The following CDH20 variants were observed in gnomAD, a reference collection of about 807,000 sequenced individuals.
CDH20 encodes cadherin-20.
CDH20 carries 29 observed loss-of-function variants against 74.2 expected under a neutral mutation model. The ratio of observed to expected loss-of-function variants is 0.39; its 90% CI spans 0.29 to 0.53. CDH20 has a LOEUF of 0.53. Among genes scored for constraint, CDH20 ranks in the 20% least tolerant of loss-of-function variants. The pLI is 0.69. For synonymous variants in CDH20, 469 were observed against 405.4 expected, an observed-to-expected ratio of 1.16 and a Z score of -1.88; for missense variants, 988 against 1,048.3, an observed-to-expected ratio of 0.94 and a Z score of 0.79.
At chr18:61,446,362 C>A (rs980369626) in intron 1 of CDH20, among the ~76,000 whole-genome samples, 1 of 152,132 alleles carries the variant, frequency 6.6e-6, no homozygotes, top group Non-Finnish European at 1.5e-5. Context: ...AGCTCTCCTT[C>A]TTTAACTGTT....
intron 1 of CDH20, among the ~76,000 whole-genome samples, chr18:61,419,902 T>A (rs776098122): frequency 3.3e-5 from 5 of 152,184 alleles, no homozygotes; most frequent in African/African-American, 1.2e-4. Context: ...ACTGTTCTCA[T>A]TGAGAATCTA....
At chr18:61,525,086 G>T (rs1049834924) in intron 6 of CDH20, among the ~76,000 whole-genome samples, 2 of 151,440 alleles carry the variant, frequency 1.3e-5, no homozygotes, top group African/African-American at 4.9e-5. Context: ...TTTGCCAGGG[G>T]CTGGGTGGGA....
chr18:61,382,776 A>G (rs1282832237), intron 1 of CDH20, among the ~76,000 whole-genome samples: 2 of 152,248 alleles, frequency 1.3e-5, no homozygotes, highest in Non-Finnish European at 2.9e-5. Flanking sequence ...AGTAGATGAT[A>G]GCAGGGAAGC....
At chr18:61,340,587 T>C (rs1318409224) in intron 1 of CDH20, among the ~76,000 whole-genome samples, 1 of 152,198 alleles carries the variant, frequency 6.6e-6, no homozygotes, top group Non-Finnish European at 1.5e-5. Context: ...AGTGTACTCA[T>C]AAGTATTATA....
In CDH20 at chr18:61,353,186, A is replaced by G. The variant is rs1259971125; in HGVS notation, c.-153+19359A>G. ...CTTAGAAACATTCATTTAATTGTCTACATAACAAAGCTCAGAGTTTTTAGC... is the reference window on the plus strand; with the variant it reads ...CTTAGAAACATTCATTTAATTGTCTGCATAACAAAGCTCAGAGTTTTTAGC... On this transcript the variant is annotated intron_variant, in intron 1 of 11. Transcript: ENST00000262717. The surrounding 1 kb of genome is among the most constrained non-coding windows in gnomAD (Gnocchi z 4.6). Among the ~76,000 whole-genome samples the G allele has an allele frequency of 6.6e-6, 1 of 152,194 alleles. No individual in the cohort carries two copies. Among genetic ancestry groups the G allele is most frequent in the Non-Finnish European group, 1.5e-5 (1 of 68,036 alleles).
At chr18:61,538,588 G>GTT (rs1265851069) in intron 8 of CDH20, among the ~76,000 whole-genome samples, 4 of 55,124 alleles carry the variant, frequency 7.3e-5, no homozygotes, top group Non-Finnish European at 1.0e-4. Context: ...CTTTTTGTTT[G>GTT]TTTGTTTGTT....
chr18:61,358,110 T>C (rs1331542760), intron 1 of CDH20, among the ~76,000 whole-genome samples: 2 of 151,768 alleles, frequency 1.3e-5, no homozygotes, highest in African/African-American at 2.4e-5. Context: ...GCTTCTGTTA[T>C]TGTTCCTTTT....
chr18:61,340,374 ACCACTTGTTC>A (rs1438860096), intron 1 of CDH20, among the ~76,000 whole-genome samples: 1 of 152,104 alleles, frequency 6.6e-6, no homozygotes, highest in African/African-American at 2.4e-5. Flanking sequence ...AGATTCAATT[ACCACTTGTTC>A]CCAGAGAGGG....
intron 1 of CDH20, among the ~76,000 whole-genome samples, chr18:61,472,486 A>T (rs1226012371): frequency 6.6e-6 from 1 of 152,088 alleles, no homozygotes; most frequent in Admixed American, 6.6e-5. Flanking sequence ...AGCTGGCAGC[A>T]GGAAGGGAAC....
chr18:61,477,779 T>G (rs575943546), intron 1 of CDH20, among the ~76,000 whole-genome samples: 1 of 152,214 alleles, frequency 6.6e-6, no homozygotes, highest in Non-Finnish European at 1.5e-5. Flanking sequence ...CACACTCCCA[T>G]CCATATGGTA....
chr18:61,465,023 G>A (rs1420781182), intron 1 of CDH20, among the ~76,000 whole-genome samples: 1 of 152,154 alleles, frequency 6.6e-6, no homozygotes, highest in Non-Finnish European at 1.5e-5. Flanking sequence ...TCCACAAATG[G>A]AATCAATCAT....
rs1311950818 is a variant in CDH20 at position 61,353,091 on chromosome 18, C to T, written c.-153+19264C>T. On this transcript the variant is annotated intron_variant, in intron 1 of 11. Transcript: ENST00000262717. The surrounding 1 kb of genome is among the most constrained non-coding windows in gnomAD (Gnocchi z 4.6). Reference sequence around the variant, plus strand: ...GCTTCTATTTTATGGCTACCCTGGTCACCTCCCCTGCAATCACCTCCATGA... The same window carrying T: ...GCTTCTATTTTATGGCTACCCTGGTTACCTCCCCTGCAATCACCTCCATGA... 6.6e-6 allele frequency among the ~76,000 whole-genome samples: 1 copy of T among 152,202 alleles called. No individual in the cohort carries two copies. Among genetic ancestry groups the T allele is most frequent in the Non-Finnish European group, 1.5e-5 (1 of 68,036 alleles).
intron 1 of CDH20, among the ~76,000 whole-genome samples, chr18:61,408,849 G>T (rs766041535): frequency 1.3e-5 from 2 of 152,044 alleles, no homozygotes; most frequent in African/African-American, 2.4e-5. Flanking sequence ...GCACTATGTG[G>T]ACTTACAGAT....
At chr18:61,510,919 TG>T (rs2144336450) in intron 6 of CDH20, among the ~76,000 whole-genome samples, 1 of 152,114 alleles carries the variant, frequency 6.6e-6, no homozygotes, top group Non-Finnish European at 1.5e-5. Flanking sequence ...AACTAGTAAC[TG>T]TAAATAAGGG....
At chr18:61,341,881 G>A (rs867265882) in intron 1 of CDH20, among the ~76,000 whole-genome samples, 1 of 152,104 alleles carries the variant, frequency 6.6e-6, no homozygotes, top group Non-Finnish European at 1.5e-5. Context: ...TTATAGTTGC[G>A]TCTACCTTTA....
chr18:61,506,786 G>T (rs1185043390), intron 5 of CDH20, among the ~76,000 whole-genome samples: 2 of 152,154 alleles, frequency 1.3e-5, no homozygotes, highest in Admixed American at 6.5e-5. Context: ...GGAGAGGCAG[G>T]CTGGGGCAGT....
Position 61,339,360 on chromosome 18 carries a change from T to TACAC in CDH20, c.-153+5561_-153+5564dup, listed in dbSNP as rs35630137. ...TCAAGGGGTACATGTGCAAGTTTAT[T>TACAC]ACACACACACACACACACACACACA... On this transcript the variant is annotated intron_variant, in intron 1 of 11. Coordinates refer to ENST00000262717, the MANE Select transcript of CDH20 (RefSeq NM_031891.4). Among the ~76,000 whole-genome samples the TACAC allele has an allele frequency of 9.0e-3, 1,319 of 145,914 alleles. 5 individuals are homozygous for TACAC. Among genetic ancestry groups the TACAC allele is most frequent in the African/African-American group, 0.015 (610 of 39,906 alleles).
In CDH20 at chr18:61,366,348, A is replaced by T. The variant is rs372106844; in HGVS notation, c.-153+32521A>T. On this transcript the variant is annotated intron_variant, in intron 1 of 11. Transcript: ENST00000262717. Reference sequence around the variant, plus strand: ...TTAAAGTTAGAAGGAAAGGGCTTTTACTTCCCTTATGGCCTTCCTCTGACC... The same window carrying T: ...TTAAAGTTAGAAGGAAAGGGCTTTTTCTTCCCTTATGGCCTTCCTCTGACC... Among the ~76,000 whole-genome samples the T allele has an allele frequency of 3.4e-4, 52 of 152,294 alleles. 1 individual carries two copies. Among genetic ancestry groups the T allele is most frequent in the Middle Eastern group, 3.4e-3 (1 of 294 alleles).
chr18:61,361,795 A>C (rs1910702031), intron 1 of CDH20, among the ~76,000 whole-genome samples: 1 of 152,184 alleles, frequency 6.6e-6, no homozygotes, highest in Admixed American at 6.5e-5. Context: ...TGTATTTTAT[A>C]AAAGCATGAG....
Sources: gnomAD v4.1 joint callset for allele counts (sites outside exome capture counted in the v4.1 genomes callset) on GRCh38, gnomAD v4.1.1 for gene constraint, Gnocchi (gnomAD v3.1) non-coding constraint, MANE v1.5 for transcripts, NCBI Gene and HGNC (gene_info 2026-07-23, HGNC 2026-07-21) for gene names.